The following MPPED2 variants were observed in gnomAD, a reference collection of about 807,000 sequenced individuals.
MPPED2 encodes metallophosphoesterase domain containing 2.
In MPPED2, 5 loss-of-function variants were observed where a neutral mutation model predicts 33.0. The ratio of observed to expected loss-of-function variants is 0.15; its 90% CI spans 0.08 to 0.32. MPPED2 has a LOEUF of 0.32. Among genes scored for constraint, MPPED2 ranks in the 10% least tolerant of loss-of-function variants. MPPED2 has a pLI of 1.00. For synonymous variants in MPPED2, 136 were observed against 141.9 expected, an observed-to-expected ratio of 0.96 and a Z score of 0.29; for missense variants, 275 against 372.1, an observed-to-expected ratio of 0.74 and a Z score of 2.15.
intron 3 of MPPED2, among the ~76,000 whole-genome samples, chr11:30,531,561 C>T (rs142651584): frequency 0.012 from 1,754 of 152,312 alleles, 29 homozygotes; most frequent in African/African-American, 0.04. Context: ...CCCAAAAAGA[C>T]GATATTTCCA....
At chr11:30,472,090 G>A (rs1210726034) in intron 4 of MPPED2, among the ~76,000 whole-genome samples, 6 of 152,216 alleles carry the variant, frequency 3.9e-5, no homozygotes, top group Non-Finnish European at 7.3e-5. Flanking sequence ...AAGGCTAGGC[G>A]CAGTGGCTCC....
chr11:30,507,289 T>C (rs116910072), intron 3 of MPPED2, among the ~76,000 whole-genome samples: 3,489 of 152,332 alleles, frequency 0.023, 64 homozygotes, highest in Admixed American at 0.052. Context: ...CATCAAATAA[T>C]ATTTCTGAAG....
At chr11:30,561,340 T>C (rs1184129229) in intron 2 of MPPED2, among the ~76,000 whole-genome samples, 1 of 152,178 alleles carries the variant, frequency 6.6e-6, no homozygotes, top group Non-Finnish European at 1.5e-5. Context: ...AGAGCTTTTA[T>C]TAGATAATTT....
intron 2 of MPPED2, among the ~76,000 whole-genome samples, chr11:30,565,267 C>T (rs182430861): frequency 2.3e-4 from 35 of 152,194 alleles, no homozygotes; most frequent in African/African-American, 7.5e-4. Flanking sequence ...TAACAGCATC[C>T]TGAGAGAGTG....
At chr11:30,418,461 A>G (rs778000873) in intron 4 of MPPED2, among the ~76,000 whole-genome samples, 1 of 152,220 alleles carries the variant, frequency 6.6e-6, no homozygotes, top group Non-Finnish European at 1.5e-5. Context: ...GATACAAGTA[A>G]TGGGAGACTG....
At chr11:30,563,126 T>C (rs1956302817) in intron 2 of MPPED2, among the ~76,000 whole-genome samples, 1 of 152,114 alleles carries the variant, frequency 6.6e-6, no homozygotes, top group Admixed American at 6.6e-5. Flanking sequence ...TGTAACATTT[T>C]CAATGACACC....
chr11:30,451,302 G>A (rs978097762), intron 4 of MPPED2, among the ~76,000 whole-genome samples: 1 of 152,094 alleles, frequency 6.6e-6, no homozygotes, highest in Non-Finnish European at 1.5e-5. Context: ...TTACATTCGA[G>A]GATTAGATGT....
At chr11:30,521,537 T>C (rs577931038) in intron 3 of MPPED2, among the ~76,000 whole-genome samples, 17 of 152,348 alleles carry the variant, frequency 1.1e-4, no homozygotes, top group Non-Finnish European at 1.5e-4. Context: ...CACTTTCTGG[T>C]CAGCAGTCTA....
chr11:30,451,609 A>C (rs1950067601), intron 4 of MPPED2: 1 of 784,384 alleles, frequency 1.3e-6, no homozygotes, highest in Admixed American at 6.3e-5. Context: ...CCTCACTCTC[A>C]CTCCATGGGA....
chr11:30,550,744 C>T (rs1032091018), intron 2 of MPPED2, among the ~76,000 whole-genome samples: 38 of 152,232 alleles, frequency 2.5e-4, no homozygotes, highest in African/African-American at 6.7e-4. Flanking sequence ...TAAAATCTCC[C>T]GCCAGGTCCA....
At chr11:30,430,157 G>A (rs1949013803) in intron 4 of MPPED2, among the ~76,000 whole-genome samples, 1 of 152,092 alleles carries the variant, frequency 6.6e-6, no homozygotes, top group Non-Finnish European at 1.5e-5. Flanking sequence ...TTAGGAAAGG[G>A]CAAGGCAAAT....
chr11:30,554,160 G>A (rs530672814), intron 2 of MPPED2, among the ~76,000 whole-genome samples: 13 of 152,250 alleles, frequency 8.5e-5, no homozygotes, highest in South Asian at 8.3e-4. Context: ...ACACAGAGCC[G>A]TGGCAACTTT....
chr11:30,526,962 TGGCCCA>T (rs1031603854), intron 3 of MPPED2, among the ~76,000 whole-genome samples: 1 of 149,384 alleles, frequency 6.7e-6, no homozygotes, highest in Non-Finnish European at 1.5e-5. Context: ...TACAGTGCAG[TGGCCCA>T]GGCTAGAGTG....
chr11:30,388,893 G>A (rs1465147628), exon 7 of MPPED2: 76 of 1,562,736 alleles, frequency 4.9e-5, no homozygotes, highest in Non-Finnish European at 6.6e-5. Context: ...TCTAGACTAG[G>A]AAGTTTTTGA....
At chr11:30,420,162 G>T (rs116935985) in intron 4 of MPPED2, among the ~76,000 whole-genome samples, 83 of 152,232 alleles carry the variant, frequency 5.5e-4, no homozygotes, top group Non-Finnish European at 1.1e-3. Context: ...GATTATCCTG[G>T]ATTATCTAGG....
chr11:30,556,032 T>C (rs1955947601), intron 2 of MPPED2, among the ~76,000 whole-genome samples: 1 of 152,236 alleles, frequency 6.6e-6, no homozygotes, highest in African/African-American at 2.4e-5. Flanking sequence ...TGAAAGTTAA[T>C]AGCCTTGAGT....
chr11:30,461,267 C>T (rs907633820), intron 4 of MPPED2, among the ~76,000 whole-genome samples: 5 of 151,904 alleles, frequency 3.3e-5, no homozygotes, highest in Admixed American at 1.3e-4. Context: ...TTTGAAATAA[C>T]GAAAAAAGCT....
chr11:30,454,662 C>A (rs957294809), intron 4 of MPPED2, among the ~76,000 whole-genome samples: 1 of 151,996 alleles, frequency 6.6e-6, no homozygotes, highest in East Asian at 1.9e-4. Flanking sequence ...TTAAAAAATC[C>A]TGTATCTGAA....
chr11:30,545,061 G>T (rs1033426870), intron 2 of MPPED2, among the ~76,000 whole-genome samples: 1 of 152,174 alleles, frequency 6.6e-6, no homozygotes, highest in African/African-American at 2.4e-5. Flanking sequence ...GTGAGCAGAA[G>T]AAGATTTGAA....
Sources: allele counts gnomAD v4.1 joint callset (sites outside exome capture counted in the v4.1 genomes callset), GRCh38; gene constraint gnomAD v4.1.1; transcripts MANE v1.5; gene names NCBI Gene and HGNC (gene_info 2026-07-23, HGNC 2026-07-21).